Variants in SERINC2 observed in about 807,000 individuals in gnomAD.
SERINC2 encodes serine incorporator 2.
In SERINC2, 56 loss-of-function variants were observed where a neutral mutation model predicts 54.2. That is an observed-to-expected ratio of 1.03 (90% CI 0.83 to 1.29). SERINC2 has a LOEUF of 1.29. Ranked by LOEUF, SERINC2 falls within the 50% of genes most tolerant of loss-of-function variation. The pLI is 0.00. For missense variants in SERINC2, 614 were observed against 607.4 expected (o/e 1.01, Z -0.12); for synonymous variants, 272 against 253.1 (o/e 1.07, Z -0.71).
intron 8 of SERINC2, among the ~76,000 whole-genome samples, chr1:31,432,219 GAGGGTGGAT>G (rs1330966009): frequency 7.3e-6 from 1 of 136,642 alleles, no homozygotes; most frequent in African/African-American, 2.7e-5. Context: ...ACAGGGTGGA[GAGGGTGGAT>G]AGGGACCCAC....
chr1:31,418,936 G>A (rs552747261), intron 1 of SERINC2, among the ~76,000 whole-genome samples: 1 of 152,304 alleles, frequency 6.6e-6, no homozygotes, highest in Admixed American at 6.5e-5. Context: ...TGCTTTCTGG[G>A]TGGTTCTTCA....
At chr1:31,423,194 G>A (rs782459288) in intron 1 of SERINC2, among the ~76,000 whole-genome samples, 1 of 152,202 alleles carries the variant, frequency 6.6e-6, no homozygotes, top group African/African-American at 2.4e-5. Context: ...CAGAAGTCCC[G>A]CGGGGAAAAA....
chr1:31,434,014 G>C (rs545332805), intron 9 of SERINC2, 50 bp from the exon 10 acceptor site: 47 of 1,597,900 alleles, frequency 2.9e-5, no homozygotes, highest in Non-Finnish European at 3.9e-5. Flanking sequence ...GGCCAAGATG[G>C]AAGTCACCAG....
At chr1:31,423,218 G>C (rs1451127061) in intron 1 of SERINC2, among the ~76,000 whole-genome samples, 1 of 152,224 alleles carries the variant, frequency 6.6e-6, no homozygotes, top group Non-Finnish European at 1.5e-5. Context: ...AGTGGGGAAG[G>C]GGAAAGGGAG....
chr1:31,425,783 C>T lies in SERINC2; in HGVS notation c.480C>T (p.Phe160=). 1 of 1,613,052 alleles carries T rather than the reference C, an allele frequency of 6.2e-7. No homozygotes were observed. The highest frequency in any genetic ancestry group is 8.5e-7 in the Non-Finnish European group (1 of 1,179,798). Residue 160 remains phenylalanine (F), a synonymous_variant, in exon 5 of 10, where the codon TTC becomes TTT. Coordinates refer to ENST00000373709, the MANE Select transcript of SERINC2 (RefSeq NM_178865.5). The stretch of plus-strand genomic sequence containing the variant: ...TCCCCTCTCCCCACCCAGTCTGGTT[C>T]TACTTCGGCGTCGTGGGCTCCTTCC... ...IPDGSFTNIW[F]YFGVVGSFLF...
At chr1:31,414,577 C>G (rs1211945893) in intron 1 of SERINC2, 1 of 985,576 alleles carries the variant, frequency 1.0e-6, no homozygotes, top group African/African-American at 1.8e-5. Context: ...GAGAGCCTCT[C>G]GCCTCATTAG....
At position 31,425,793 on chromosome 1, in the gene SERINC2, G is replaced by A. The variant is rs148798555; in HGVS notation, c.490G>A (p.Val164Ile). Reference protein sequence around the residue: ...SFTNIWFYFGVVGSFLFILIQ... With the variant: ...SFTNIWFYFGIVGSFLFILIQ... ...CCACCCAGTCTGGTTCTACTTCGGC[G>A]TCGTGGGCTCCTTCCTCTTCATCCT... Residue 164 changes from valine to isoleucine, a missense_variant, in exon 5 of 10, where the codon GTC becomes ATC. By Grantham distance (29) the Val-to-Ile change is conservative. Transcript: ENST00000373709. 8.7e-5 allele frequency: 141 copies of A among 1,613,380 alleles called. No homozygotes were observed. Among genetic ancestry groups the A allele is most frequent in the Admixed American group, 4.8e-4 (29 of 60,012 alleles).
Position 31,433,113 on chromosome 1 carries a change from G to C in SERINC2, c.1160G>C (p.Ser387Thr). The change falls in exon 9 of 10, where the codon AGC (serine) becomes ACC (threonine). Residue 387 changes from serine (S) to threonine (T), a missense_variant. By Grantham distance (58) the Ser-to-Thr change is moderately conservative (BLOSUM62 1). Coordinates refer to ENST00000373709, the MANE Select transcript of SERINC2 (RefSeq NM_178865.5). ...FDNEQDGVTY[S>T]YSFFHFCLVL... ...AACGAGCAGGACGGCGTCACCTACAGCTACTCCTTCTTCCACTTCTGCCTG... is the reference window on the plus strand; with the variant it reads ...AACGAGCAGGACGGCGTCACCTACACCTACTCCTTCTTCCACTTCTGCCTG... 6.2e-7 allele frequency: 1 copy of C among 1,613,730 alleles called. No homozygotes were observed. The highest frequency in any genetic ancestry group is 8.5e-7 in the Non-Finnish European group (1 of 1,180,016).
intron 1 of SERINC2, among the ~76,000 whole-genome samples, chr1:31,416,316 G>T (rs1640780782): frequency 6.6e-6 from 1 of 152,192 alleles, no homozygotes; most frequent in African/African-American, 2.4e-5. Flanking sequence ...TGAGACCCAG[G>T]GCTGCCTAAC....
rs561111048 is a variant in SERINC2, at chr1:31,414,100, G to A, written c.39+796G>A. 151 of 1,456,720 alleles carry A rather than the reference G, an allele frequency of 1.0e-4. 2 individuals carry two copies. The South Asian group carries it at 1.5e-3, about 15-fold the overall frequency. The allele number at this position is 1,456,720 out of a possible 1,614,324, so 90.2% of individuals were successfully genotyped here. A position where few individuals can be genotyped will look rare whatever the true frequency, so the allele number is the denominator to read the frequency against. On this transcript the variant is annotated intron_variant, in intron 1 of 9. Coordinates refer to ENST00000373709, the MANE Select transcript of SERINC2 (RefSeq NM_178865.5). Reference sequence around the variant, plus strand: ...TCACGGACCACCGGGCGGAACTCTGGGTTGGGAGAGCAGGAATCGAGGGAG... The same window carrying A: ...TCACGGACCACCGGGCGGAACTCTGAGTTGGGAGAGCAGGAATCGAGGGAG...
At chr1:31,411,281 G>A (rs1194807620), upstream of SERINC2, among the ~76,000 whole-genome samples, 8 of 152,218 alleles carry the variant, frequency 5.3e-5, no homozygotes, top group African/African-American at 1.9e-4. Flanking sequence ...GTGAAAGCCA[G>A]GCCAGGTTGC....
At chr1:31,432,546 G>C (rs559321859) in intron 8 of SERINC2, among the ~76,000 whole-genome samples, 83 of 152,212 alleles carry the variant, frequency 5.5e-4, no homozygotes, top group Admixed American at 1.1e-3. Flanking sequence ...ATTCTTAATG[G>C]ATGTAGTACC....
chr1:31,433,551 T>C (rs558408743), intron 9 of SERINC2, among the ~76,000 whole-genome samples: 52 of 152,212 alleles, frequency 3.4e-4, no homozygotes, highest in African/African-American at 1.2e-3. Flanking sequence ...AGGTCAAGGA[T>C]AGAAGTCATG....
At chr1:31,415,863 T>A (rs1640768780) in intron 1 of SERINC2, 1 of 985,010 alleles carries the variant, frequency 1.0e-6, no homozygotes, top group African/African-American at 1.8e-5. Context: ...CTGCTGATTG[T>A]GCTTCTCAGC....
chr1:31,423,494 T>C (rs185688193), intron 1 of SERINC2, among the ~76,000 whole-genome samples, 199 bp from the exon 2 acceptor site: 1 of 152,222 alleles, frequency 6.6e-6, no homozygotes, highest in African/African-American at 2.4e-5. Flanking sequence ...GGTTTGAATC[T>C]GGGTTCTGTG....
At chr1:31,427,422 C>G (rs1287390983) in intron 6 of SERINC2, among the ~76,000 whole-genome samples, 1 of 152,120 alleles carries the variant, frequency 6.6e-6, no homozygotes, top group Non-Finnish European at 1.5e-5. Context: ...AGGTAGTCTT[C>G]AGGGGTCTTT....
chr1:31,428,135 G>A (rs1469768091), intron 6 of SERINC2, among the ~76,000 whole-genome samples: 1 of 151,696 alleles, frequency 6.6e-6, no homozygotes, highest in Non-Finnish European at 1.5e-5. Context: ...CGCCTCCCAG[G>A]TTCAAGCAAT....
rs188503621 is a variant in SERINC2, at chr1:31,434,559, C to T, written c.*360C>T. ...GGAACTCCCACCACAGTGGGGCATCCGGCACTGAAGCCCTGGTGTTCCTGG... is the reference window on the plus strand; with the variant it reads ...GGAACTCCCACCACAGTGGGGCATCTGGCACTGAAGCCCTGGTGTTCCTGG... On this transcript the variant is annotated 3_prime_UTR_variant, in exon 10 of 10. Coordinates refer to ENST00000373709, the MANE Select transcript of SERINC2 (RefSeq NM_178865.5). 1.1e-4 allele frequency: 28 copies of T among 263,276 alleles called. No homozygotes were observed. The highest frequency in any genetic ancestry group is 7.3e-4 in the Admixed American group (15 of 20,510). The allele number at this position is 263,276 out of a possible 1,614,324, so 16.3% of individuals were successfully genotyped here.
At chr1:31,412,459 G>T (rs898366280), upstream of SERINC2, among the ~76,000 whole-genome samples, 6 of 152,316 alleles carry the variant, frequency 3.9e-5, no homozygotes, top group African/African-American at 1.4e-4. Context: ...GGAGTTTGAA[G>T]AACAGATGGA....
Sources: allele counts gnomAD v4.1 joint callset (sites outside exome capture counted in the v4.1 genomes callset), GRCh38; gene constraint gnomAD v4.1.1; transcripts MANE v1.5; gene names NCBI Gene and HGNC (gene_info 2026-07-23, HGNC 2026-07-21).